Variants in CCDC157 observed in about 807,000 individuals in gnomAD.
CCDC157 encodes the protein coiled-coil domain containing 157, also known as coiled-coil domain-containing protein 157.
CCDC157 carries 60 observed loss-of-function variants against 70.9 expected under a neutral mutation model. The ratio of observed to expected loss-of-function variants is 0.85; its 90% CI spans 0.69 to 1.05. The LOEUF is 1.05. Among genes scored for constraint, CCDC157 ranks in the 50% least tolerant of loss-of-function variants. The pLI is 0.00. For missense variants in CCDC157, 943 were observed against 984.2 expected (o/e 0.96, Z 0.56); for synonymous variants, 373 against 422.4 (o/e 0.88, Z 1.43).
At chr22:30,356,717 G>A (rs758570403), upstream of CCDC157, 2 of 1,483,318 alleles carry the variant, frequency 1.3e-6, no homozygotes, top group Non-Finnish European at 1.8e-6. Context: ...GCTGAGGGGC[G>A]GGGGAGAGGT....
At chr22:30,365,886 A>T in intron 2 of CCDC157, 104 bp from the exon 3 acceptor site, 2 of 1,146,214 alleles carry the variant, frequency 1.7e-6, no homozygotes, top group Non-Finnish European at 2.4e-6. Context: ...GTCTGGGGTG[A>T]ACTTCCGGCC....
intron 4 of CCDC157, 48 bp downstream of exon 4, chr22:30,369,651 C>T: frequency 1.4e-6 from 2 of 1,394,202 alleles, no homozygotes; most frequent in Non-Finnish European, 1.9e-6. Flanking sequence ...GCCTCTATCT[C>T]CCCACTGTGG....
At position 30,370,573 on chromosome 22, in the gene CCDC157, C is replaced by T; in HGVS notation, c.668C>T (p.Ala223Val). 2 of 1,614,066 alleles carry T rather than the reference C, an allele frequency of 1.2e-6. No individual in the cohort carries two copies. The highest frequency in any genetic ancestry group is 1.7e-6 in the Non-Finnish European group (2 of 1,180,046). ...TIETALVPCD[A>V]CASVQGSLQK... Reference sequence around the variant, plus strand: ...GAGACGGCCCTGGTGCCCTGTGACGCATGCGCCAGCGTCCAGGGAAGCCTG... The same window carrying T: ...GAGACGGCCCTGGTGCCCTGTGACGTATGCGCCAGCGTCCAGGGAAGCCTG... The change falls in exon 5 of 12, where the codon GCA (alanine) becomes GTA (valine). Residue 223 changes from alanine (A) to valine (V), a missense_variant. By Grantham distance (64) the Ala-to-Val change is moderately conservative. Transcript: ENST00000338306.
upstream of CCDC157, chr22:30,356,745 G>A (rs1210593318): frequency 1.3e-6 from 2 of 1,494,688 alleles, no homozygotes; most frequent in South Asian, 1.3e-5. Flanking sequence ...TGGGCTCCGT[G>A]GGCACGGGCG....
chr22:30,375,492 C>T lies in CCDC157; in HGVS notation c.1686C>T (p.Ser562=). ...CATTGGGCACAGGAGGCAGATCCAG[C>T]AGCGTGGAATCCCAGATAACATGTC... ...TETQIHGGRS[S]SVESQITCPT... Residue 562 remains serine, a synonymous_variant, in exon 10 of 12, where the codon AGC becomes AGT. Coordinates refer to ENST00000338306, the MANE Select transcript of CCDC157 (RefSeq NM_001017437.5). 1 of 1,614,142 alleles carries T rather than the reference C, an allele frequency of 6.2e-7. No homozygotes were observed. Among genetic ancestry groups the T allele is most frequent in the Non-Finnish European group, 8.5e-7 (1 of 1,180,026 alleles).
intron 9 of CCDC157, chr22:30,374,330 A>C (rs1933184310): frequency 1.6e-6 from 1 of 635,528 alleles, no homozygotes. Context: ...CTCTAGTCAC[A>C]ACAGCCAAAC....
chr22:30,363,126 C>T (rs1239929131), intron 2 of CCDC157, among the ~76,000 whole-genome samples: 1 of 152,162 alleles, frequency 6.6e-6, no homozygotes, highest in East Asian at 1.9e-4. Context: ...GCTCTGAAAC[C>T]AGCTGCCAGC....
At chr22:30,364,583 T>C (rs1932590681) in intron 2 of CCDC157, among the ~76,000 whole-genome samples, 1 of 152,170 alleles carries the variant, frequency 6.6e-6, no homozygotes, top group African/African-American at 2.4e-5. Context: ...CCAAGGTGGA[T>C]GGATCACTTG....
chr22:30,370,209 A>T, intron 4 of CCDC157, 117 bp from the exon 5 acceptor site: 1 of 1,117,254 alleles, frequency 9.0e-7, no homozygotes, highest in Non-Finnish European at 1.3e-6. Flanking sequence ...AGAACATTTG[A>T]GGGTCTGAGT....
intron 1 of CCDC157, among the ~76,000 whole-genome samples, chr22:30,361,065 AT>A (rs1932305788): frequency 6.6e-6 from 1 of 151,666 alleles, no homozygotes. Flanking sequence ...AATAAATACA[AT>A]TAAAAATTTA....
intron 2 of CCDC157, among the ~76,000 whole-genome samples, chr22:30,364,323 G>A (rs1250954986): frequency 6.6e-6 from 1 of 151,936 alleles, no homozygotes; most frequent in African/African-American, 2.4e-5. Context: ...GGGTGACAGA[G>A]ACCATGTCTC....
At position 30,376,591 on chromosome 22, in the gene CCDC157, G is replaced by A. The variant is rs748755160; in HGVS notation, c.2105G>A (p.Cys702Tyr). 1.1e-5 allele frequency: 17 copies of A among 1,613,598 alleles called. 1 individual carries two copies. The South Asian group carries it at 1.6e-4, about 16-fold the overall frequency. Reference protein sequence around the residue: ...QPCTSPSRQPCSQPSKSLLEG... With the variant: ...QPCTSPSRQPYSQPSKSLLEG... ...TGCACATCCCCATCTCGGCAGCCCTGCAGCCAGCCCAGCAAGTCCTTGCTG... is the reference window on the plus strand; with the variant it reads ...TGCACATCCCCATCTCGGCAGCCCTACAGCCAGCCCAGCAAGTCCTTGCTG... Residue 702 changes from cysteine to tyrosine, a missense_variant, in exon 12 of 12, where the codon TGC (cysteine) becomes TAC (tyrosine). Cys to Tyr is a radical substitution (Grantham distance 194). Coordinates refer to ENST00000338306, the MANE Select transcript of CCDC157 (RefSeq NM_001017437.5).
At position 30,369,609 on chromosome 22, in the gene CCDC157, T is replaced by A. The variant is rs764782050; in HGVS notation, c.420+6T>A. ...ACCAGCAGCCACTCCCCCAGGTGGGTCCCAGCCTCTGTCTCAGGTGGGTCA... is the reference window on the plus strand; with the variant it reads ...ACCAGCAGCCACTCCCCCAGGTGGGACCCAGCCTCTGTCTCAGGTGGGTCA... On this transcript the variant is annotated splice_donor_region_variant and intron_variant, in intron 4 of 11. Coordinates refer to ENST00000338306, the MANE Select transcript of CCDC157 (RefSeq NM_001017437.5). The A allele has an allele frequency of 5.2e-6, 8 of 1,525,804 alleles. No homozygotes were observed. In the South Asian group the frequency reaches 9.7e-5, roughly 19 times the overall value. The allele number at this position is 1,525,804 out of a possible 1,614,324, so 94.5% of individuals were successfully genotyped here.
rs1933461374 is a variant in CCDC157, at chr22:30,378,445, A to G, written c.*1700A>G. On this transcript the variant is annotated 3_prime_UTR_variant, in exon 12 of 12. Coordinates refer to ENST00000338306, the MANE Select transcript of CCDC157 (RefSeq NM_001017437.5). ...GGAGTTCGAGACCAGCCTGACCAACATGGAGAAACCCCGTCTCTACTAAAA... is the reference window on the plus strand; with the variant it reads ...GGAGTTCGAGACCAGCCTGACCAACGTGGAGAAACCCCGTCTCTACTAAAA... 1 of 188,182 alleles carries G rather than the reference A, an allele frequency of 5.3e-6. No individual in the cohort carries two copies. Among genetic ancestry groups the G allele is most frequent in the Non-Finnish European group, 1.1e-5 (1 of 87,798 alleles). 11.7% of individuals were successfully genotyped at this position (188,182 alleles called of 1,614,324 possible). A position where few individuals can be genotyped will look rare whatever the true frequency, so the allele number is the denominator to read the frequency against.
At chr22:30,364,567 T>G (rs1932588940) in intron 2 of CCDC157, among the ~76,000 whole-genome samples, 1 of 152,120 alleles carries the variant, frequency 6.6e-6, no homozygotes, top group African/African-American at 2.4e-5. Flanking sequence ...CCAGCACTTT[T>G]GGAGGCCAAG....
chr22:30,375,459 T>C lies in CCDC157; in HGVS notation c.1673-20T>C, dbSNP rs1933282429. On this transcript the variant is annotated intron_variant, in intron 9 of 11. Transcript: ENST00000338306. ...AAGCTGGTGTGCCTCCCTTCTAAGG[T>C]CCTGTCCCATTGGGCACAGGAGGCA... 1.2e-6 allele frequency: 2 copies of C among 1,613,696 alleles called. No homozygotes were observed. Among genetic ancestry groups the C allele is most frequent in the South Asian group, 1.1e-5 (1 of 91,054 alleles).
intron 10 of CCDC157, chr22:30,375,923 C>T (rs1933322196): frequency 1.8e-6 from 1 of 551,558 alleles, no homozygotes. Context: ...TGCGGCGGCT[C>T]ATGCCTGTAA....
Position 30,366,220 on chromosome 22 carries a change from G to A in CCDC157, c.220G>A (p.Ala74Thr), listed in dbSNP as rs1932725968. The A allele has an allele frequency of 6.2e-7, 1 of 1,613,608 alleles. No individual in the cohort carries two copies. Among genetic ancestry groups the A allele is most frequent in the South Asian group, 1.1e-5 (1 of 91,092 alleles). Residue 74 changes from alanine (A) to threonine (T), a missense_variant, in exon 3 of 12, where the codon GCC becomes ACC. By Grantham distance (58) the Ala-to-Thr change is moderately conservative. Coordinates refer to ENST00000338306, the MANE Select transcript of CCDC157 (RefSeq NM_001017437.5). The part of the protein sequence containing the change: ...GDPEFTQLSH[A>T]VLLELVIDRL... ...CCCCGAGTTCACGCAGCTGTCCCATGCCGTGCTGCTGGAGCTGGTCATCGA... is the reference window on the plus strand; with the variant it reads ...CCCCGAGTTCACGCAGCTGTCCCATACCGTGCTGCTGGAGCTGGTCATCGA...
At chr22:30,362,241 A>G (rs1932399018) in intron 2 of CCDC157, 127 bp downstream of exon 2, 1 of 152,322 alleles carries the variant, frequency 6.6e-6, no homozygotes, top group African/African-American at 2.4e-5. Flanking sequence ...ACCAGGTCAT[A>G]CCACACGCTC....
Sources: allele counts gnomAD v4.1 joint callset (sites outside exome capture counted in the v4.1 genomes callset), GRCh38; gene constraint gnomAD v4.1.1; transcripts MANE v1.5; gene names NCBI Gene and HGNC (gene_info 2026-07-23, HGNC 2026-07-21).